DOCK7: variants seen among roughly 807,000 people sequenced by gnomAD.
The protein encoded by DOCK7 is dedicator of cytokinesis protein 7.
Under a neutral mutation model 271.0 loss-of-function variants are expected in DOCK7, and 138 were observed. The observed-to-expected ratio is 0.51, with a 90% CI of 0.44 to 0.59. The LOEUF (loss-of-function observed/expected upper bound fraction) is 0.59. Among genes scored for constraint, DOCK7 ranks in the 20% least tolerant of loss-of-function variants. DOCK7 has a pLI of 0.00. For missense variants in DOCK7, 2,066 were observed against 2,592.4 expected (o/e 0.80, Z 4.41); for synonymous variants, 823 against 876.1 (o/e 0.94, Z 1.07).
chr1:62,672,377 A>G lies in DOCK7; in HGVS notation c.39-9247T>C, dbSNP rs565430363. 9.9e-5 allele frequency among the ~76,000 whole-genome samples: 15 copies of G among 152,248 alleles called. No individual in the cohort carries two copies. The East Asian group carries it at 2.9e-3, about 29-fold the overall frequency. ...TACTGTGCAAAGTGTTACTTTTGTT[A>G]TACCTCAATCTTTAGAAAACCCTAT... On this transcript the variant is annotated intron_variant, in intron 1 of 49. Coordinates refer to ENST00000635253, the MANE Select transcript of DOCK7 (RefSeq NM_001367561.1).
At chr1:62,609,533 A>G (rs1651475535) in intron 14 of DOCK7, 1 of 152,230 alleles carries the variant, frequency 6.6e-6, no homozygotes. Context: ...ATGTATTTGA[A>G]TAGCTTTATG....
chr1:62,672,332 G>A (rs532128011), intron 1 of DOCK7, among the ~76,000 whole-genome samples: 1 of 151,986 alleles, frequency 6.6e-6, no homozygotes, highest in African/African-American at 2.4e-5. Flanking sequence ...ACATTTGTCA[G>A]GCACTTACAA....
In DOCK7 at chr1:62,575,949, C is replaced by T. The variant is rs527763553; in HGVS notation, c.2112+1313G>A. ...AAACATAATGCTCTCTGACAAATGG[C>T]CACCTTTCTATATAACAAAGTCACA... On this transcript the variant is annotated intron_variant, in intron 18 of 49. Transcript: ENST00000635253. Among the ~76,000 whole-genome samples the T allele has an allele frequency of 2.1e-3, 314 of 152,190 alleles. 2 individuals carry two copies. Among genetic ancestry groups the T allele is most frequent in the African/African-American group, 7.2e-3 (299 of 41,522 alleles).
intron 10 of DOCK7, 93 bp from the exon 11 acceptor site, chr1:62,631,498 T>A: frequency 8.8e-7 from 1 of 1,138,194 alleles, no homozygotes; most frequent in Non-Finnish European, 1.2e-6. Context: ...GGATGAGAAG[T>A]CTCAATTCTC....
intron 20 of DOCK7, among the ~76,000 whole-genome samples, chr1:62,558,346 T>C (rs1646215361): frequency 6.6e-6 from 1 of 152,092 alleles, no homozygotes; most frequent in South Asian, 2.1e-4. Flanking sequence ...AATTGAATAC[T>C]CCTCTCCTTT....
At chr1:62,683,270 T>A (rs1397507082) in intron 1 of DOCK7, among the ~76,000 whole-genome samples, 1 of 152,320 alleles carries the variant, frequency 6.6e-6, no homozygotes, top group Middle Eastern at 3.4e-3. Context: ...GGGAAGTATA[T>A]GTGTTCCGCA....
At position 62,513,822 on chromosome 1, in the gene DOCK7, T is replaced by C. The variant is rs1467890467; in HGVS notation, c.4013A>G (p.Asn1338Ser). ...LLICLLWVLK[N>S]ADETVLQKWF... The stretch of plus-strand genomic sequence containing the variant: ...CTTCTGTAGAACTGTTTCATCTGCA[T>C]TTTTGAGAACCCAAAGTAGACAGAT... Residue 1338 changes from asparagine to serine, a missense_variant, in exon 32 of 50, where the codon AAT (asparagine) becomes AGT (serine). Asn to Ser is a conservative substitution (Grantham distance 46, BLOSUM62 1). Around this residue, in one of 2 missense-constraint regions of DOCK7, gnomAD observed 1,414 missense variants for 1,670.4 expected, o/e 0.85. Coordinates refer to ENST00000635253, the MANE Select transcript of DOCK7 (RefSeq NM_001367561.1). 2 of 1,614,132 alleles carry C rather than the reference T, an allele frequency of 1.2e-6. No individual in the cohort carries two copies. The highest frequency in any genetic ancestry group is 3.3e-5 in the Admixed American group (2 of 60,022).
At chr1:62,628,628 T>C (rs537306657) in intron 11 of DOCK7, 1 of 152,300 alleles carries the variant, frequency 6.6e-6, no homozygotes, top group South Asian at 2.1e-4. Flanking sequence ...TTTTGATTCA[T>C]ATTACATAAT....
intron 39 of DOCK7, 49 bp downstream of exon 39, chr1:62,495,532 T>G (rs754491166): frequency 4.9e-6 from 6 of 1,220,800 alleles, no homozygotes; most frequent in Non-Finnish European, 6.7e-6. Flanking sequence ...TTACTGTATG[T>G]CTTACTAAGT....
At chr1:62,652,115 C>T (rs1010274506) in intron 4 of DOCK7, among the ~76,000 whole-genome samples, 4 of 152,198 alleles carry the variant, frequency 2.6e-5, no homozygotes, top group Non-Finnish European at 4.4e-5. Context: ...TCTCTGCTGT[C>T]ACTGTGCACA....
intron 18 of DOCK7, among the ~76,000 whole-genome samples, chr1:62,566,081 T>C (rs1646505598): frequency 1.3e-5 from 2 of 152,190 alleles, no homozygotes; most frequent in South Asian, 2.1e-4. Flanking sequence ...AAACATTCCA[T>C]GCTCATGGAT....
At chr1:62,635,535 C>CA (rs56366952) in intron 8 of DOCK7, 49,245 of 133,480 alleles carry the variant, frequency 0.37, 8,621 homozygotes, top group South Asian at 0.44. Context: ...GACTCAATCT[C>CA]AAAAAAAAAA....
Position 62,634,645 on chromosome 1 carries a change from G to A in DOCK7, c.1035+128C>T, listed in dbSNP as rs184246257. On this transcript the variant is annotated intron_variant, in intron 9 of 49. Coordinates refer to ENST00000635253, the MANE Select transcript of DOCK7 (RefSeq NM_001367561.1). Reference sequence around the variant, plus strand: ...GCACCTACTGTGTATGTCCAATATTGTGTTAAAGAATATCAAGATGAAAAA... The same window carrying A: ...GCACCTACTGTGTATGTCCAATATTATGTTAAAGAATATCAAGATGAAAAA... 7 of 968,948 alleles carry A rather than the reference G, an allele frequency of 7.2e-6. No homozygotes were observed. In the African/African-American group the frequency reaches 9.9e-5, roughly 14 times the overall value. 60.0% of individuals were successfully genotyped at this position (968,948 alleles called of 1,614,324 possible). A position where few individuals can be genotyped will look rare whatever the true frequency, so the allele number is the denominator to read the frequency against.
chr1:62,573,687 CTG>C (rs1646856096), intron 18 of DOCK7, among the ~76,000 whole-genome samples: 1 of 152,118 alleles, frequency 6.6e-6, no homozygotes, highest in African/African-American at 2.4e-5. Flanking sequence ...TTTCAGGACA[CTG>C]TGAATATACT....
intron 14 of DOCK7, among the ~76,000 whole-genome samples, chr1:62,597,218 T>G (rs942486440): frequency 6.6e-6 from 1 of 152,158 alleles, no homozygotes; most frequent in African/African-American, 2.4e-5. Flanking sequence ...AAAAAGTTTA[T>G]TTTTGACTTG....
intron 4 of DOCK7, among the ~76,000 whole-genome samples, chr1:62,651,365 G>A (rs1657338355): frequency 6.7e-6 from 1 of 149,918 alleles, no homozygotes; most frequent in Non-Finnish European, 1.5e-5. Context: ...CGAGTTAATG[G>A]GTGCAGCACA....
At chr1:62,501,288 T>C (rs1646776512) in intron 37 of DOCK7, among the ~76,000 whole-genome samples, 2 of 152,146 alleles carry the variant, frequency 1.3e-5, no homozygotes, top group Non-Finnish European at 2.9e-5. Flanking sequence ...AAACTGGTGG[T>C]AAGCAATATT....
intron 2 of DOCK7, among the ~76,000 whole-genome samples, chr1:62,661,152 G>T (rs893361029): frequency 2.0e-5 from 3 of 150,692 alleles, no homozygotes; most frequent in African/African-American, 7.3e-5. Context: ...AAAACATTCT[G>T]CTAAGTAAAA....
At position 62,513,619 on chromosome 1, in the gene DOCK7, CATT is replaced by C. The variant is rs753629739; in HGVS notation, c.4120-16_4120-14del. 6.2e-7 allele frequency: 1 copy of C among 1,609,068 alleles called. No individual in the cohort carries two copies. Among genetic ancestry groups the C allele is most frequent in the African/African-American group, 1.3e-5 (1 of 74,554 alleles). ...ACACTTTTTTCCCCTAAAATGTAAA[CATT>C]AGAAGAGAAGAGGTATTGAGGAAAT... On this transcript the variant is annotated splice_polypyrimidine_tract_variant and intron_variant, in intron 32 of 49. Coordinates refer to ENST00000635253, the MANE Select transcript of DOCK7 (RefSeq NM_001367561.1).
Sources: gnomAD v4.1 joint callset for allele counts (sites outside exome capture counted in the v4.1 genomes callset) on GRCh38, gnomAD v4.1.1 for gene constraint, gnomAD v4.1.1 regional missense constraint, MANE v1.5 for transcripts, NCBI Gene and HGNC (gene_info 2026-07-23, HGNC 2026-07-21) for gene names.